Variants in TMEM35A observed in about 807,000 individuals in gnomAD.
The protein encoded by TMEM35A is transmembrane protein 35A, also known as nicotinic acetylcholine receptor chaperone.
For synonymous variants in TMEM35A, 50 were observed against 54.7 expected (o/e 0.91, Z 0.38); for missense variants, 83 against 132.7 (o/e 0.63, Z 1.84).
intron 1 of TMEM35A, among the ~76,000 whole-genome samples, chrX:101,088,108 G>A (rs1404373171): frequency 9.0e-6 from 1 of 111,537 alleles, no homozygotes; most frequent in Non-Finnish European, 1.9e-5. Flanking sequence ...TGAGGTAGAA[G>A]AATCACTTGA....
intron 1 of TMEM35A, among the ~76,000 whole-genome samples, chrX:101,080,445 G>T (rs2089288674): frequency 8.9e-6 from 1 of 111,806 alleles, no homozygotes; most frequent in African/African-American, 3.3e-5. Context: ...TCACCCTAGG[G>T]TTGGGGAGGG....
intron 1 of TMEM35A, among the ~76,000 whole-genome samples, chrX:101,080,035 C>G (rs1056664401): frequency 1.8e-5 from 2 of 111,792 alleles, no homozygotes; most frequent in Non-Finnish European, 3.8e-5. Context: ...GTTTCCAGCA[C>G]TTTCGGGTCT....
At chrX:101,090,365 G>C (rs1458046318) in intron 1 of TMEM35A, among the ~76,000 whole-genome samples, 1 of 98,818 alleles carries the variant, frequency 1.0e-5, no homozygotes, top group Non-Finnish European at 2.0e-5. Context: ...ACAGGGTTTC[G>C]CCATATTGGC....
At chrX:101,085,639 G>T (rs1218055578) in intron 1 of TMEM35A, among the ~76,000 whole-genome samples, 1 of 108,088 alleles carries the variant, frequency 9.3e-6, no homozygotes, top group Non-Finnish European at 1.9e-5. Flanking sequence ...AAATTAAAAG[G>T]CTCCATAGGC....
chrX:101,079,712 C>T (rs1456943909), intron 1 of TMEM35A, among the ~76,000 whole-genome samples: 1 of 111,668 alleles, frequency 9.0e-6, no homozygotes, highest in East Asian at 2.8e-4. Flanking sequence ...TCACTAAGCT[C>T]TTGTTTCTTC....
In TMEM35A at chrX:101,094,734, A is replaced by G. The variant is rs72615565; in HGVS notation, c.282A>G (p.Leu94=). The change falls in exon 2 of 2, where the codon CTA becomes CTG. Residue 94 remains leucine (L), a synonymous_variant. Transcript: ENST00000372930. Reference sequence around the variant, plus strand: ...CCAAAGATGTGGCCAACTTCTTCCTACTGTTGCTGGTGTTGGCTGTGCTCT... The same window carrying G: ...CCAAAGATGTGGCCAACTTCTTCCTGCTGTTGCTGGTGTTGGCTGTGCTCT... The part of the protein sequence containing the change: ...GRPKDVANFF[L]LLLVLAVLFF... 12 of 1,210,397 alleles carry G rather than the reference A, an allele frequency of 9.9e-6. No individual in the cohort carries two copies. In the East Asian group the frequency reaches 1.5e-4, roughly 15 times the overall value.
intron 1 of TMEM35A, among the ~76,000 whole-genome samples, chrX:101,083,736 G>T (rs1280751692): frequency 9.0e-6 from 1 of 111,435 alleles, no homozygotes; most frequent in Non-Finnish European, 1.9e-5. Context: ...AAGCAGCTTT[G>T]CTTAATTCAC....
intron 1 of TMEM35A, 122 bp from the exon 2 acceptor site, chrX:101,094,451 T>G (rs1426048242): frequency 1.5e-6 from 1 of 664,616 alleles, no homozygotes; most frequent in South Asian, 3.9e-5. Flanking sequence ...ATAAGAAAAA[T>G]TATATATAAT....
intron 1 of TMEM35A, among the ~76,000 whole-genome samples, chrX:101,087,018 G>A (rs2089309398): frequency 1.0e-5 from 1 of 98,855 alleles, no homozygotes; most frequent in African/African-American, 3.8e-5. Flanking sequence ...GTGCCATGGT[G>A]TGGCCTCGGC....
intron 1 of TMEM35A, among the ~76,000 whole-genome samples, chrX:101,084,188 CAAAAAAA>C (rs746718674): frequency 3.1e-5 from 1 of 32,306 alleles, no homozygotes; most frequent in Non-Finnish European, 6.0e-5. Flanking sequence ...AACTCCATCT[CAAAAAAA>C]AAAAAAAAAA....
chrX:101,093,581 T>C (rs2089330213), intron 1 of TMEM35A, among the ~76,000 whole-genome samples: 1 of 111,487 alleles, frequency 9.0e-6, no homozygotes, highest in Non-Finnish European at 1.9e-5. Context: ...CCCAAAATGC[T>C]GGGATTACAG....
Position 101,095,310 on chromosome X carries a change from TGCGCGC to T in TMEM35A, c.*363_*368del, listed in dbSNP as rs201592497. ...CTCTGTGTGTGTGTGTGTGTGTGTG[TGCGCGC>T]GCGCGCGCACGCGCACACACTCACG... On this transcript the variant is annotated 3_prime_UTR_variant, in exon 2 of 2. Transcript: ENST00000372930. 0.013 allele frequency: 1,438 copies of T among 109,601 alleles called. 41 individuals carry two copies. The highest frequency in any genetic ancestry group is 0.055 in the African/African-American group (1,373 of 25,055). The allele number at this position is 109,601 out of a possible 1,213,427, so 9.0% of individuals were successfully genotyped here. A position where few individuals can be genotyped will look rare whatever the true frequency, so the allele number is the denominator to read the frequency against.
At chrX:101,093,438 C>T (rs960117893) in intron 1 of TMEM35A, among the ~76,000 whole-genome samples, 13 of 110,037 alleles carry the variant, frequency 1.2e-4, no homozygotes, top group African/African-American at 3.6e-4. Flanking sequence ...CTCAGCCTCC[C>T]GAGTAGCTGG....
intron 1 of TMEM35A, among the ~76,000 whole-genome samples, chrX:101,082,328 G>A (rs7471572): frequency 0.1 from 10,456 of 100,067 alleles, 1,293 homozygotes; most frequent in African/African-American, 0.34. Context: ...CAGGCTTTAT[G>A]GTCACACAGG....
At chrX:101,084,269 T>C (rs1439386928) in intron 1 of TMEM35A, among the ~76,000 whole-genome samples, 1 of 110,464 alleles carries the variant, frequency 9.1e-6, no homozygotes, top group Non-Finnish European at 1.9e-5. Context: ...TGGCTTTTTA[T>C]TACATTTAAA....
At chrX:101,089,418 C>T (rs138568835) in intron 1 of TMEM35A, among the ~76,000 whole-genome samples, 2 of 109,669 alleles carry the variant, frequency 1.8e-5, no homozygotes, top group East Asian at 5.7e-4. Context: ...GTTTTTGGTG[C>T]CCTCTTAAAT....
intron 1 of TMEM35A, 84 bp from the exon 2 acceptor site, chrX:101,094,489 G>T: frequency 1.0e-6 from 1 of 997,115 alleles, no homozygotes. Context: ...TGTGAAAGGG[G>T]AGAGGACTCT....
At chrX:101,094,542 C>T in intron 1 of TMEM35A, 31 bp from the exon 2 acceptor site, 1 of 1,160,055 alleles carries the variant, frequency 8.6e-7, no homozygotes, top group African/African-American at 1.8e-5. Flanking sequence ...ATGGTTAATG[C>T]AGTAATTTCC....
intron 1 of TMEM35A, among the ~76,000 whole-genome samples, chrX:101,080,376 G>C (rs979350450): frequency 8.9e-6 from 1 of 111,924 alleles, no homozygotes; most frequent in African/African-American, 3.2e-5. Context: ...TTTGCAGGCA[G>C]CTCTGGCTTC....
Sources: allele counts gnomAD v4.1 joint callset (sites outside exome capture counted in the v4.1 genomes callset), GRCh38; gene constraint gnomAD v4.1.1; transcripts MANE v1.5; gene names NCBI Gene and HGNC (gene_info 2026-07-23, HGNC 2026-07-21).